TASOR2: variants seen among roughly 807,000 people sequenced by gnomAD.
TASOR2 encodes the protein transcription activation suppressor family member 2.
In TASOR2, 84 loss-of-function variants were observed where a neutral mutation model predicts 199.5. The ratio of observed to expected loss-of-function variants is 0.42; its 90% CI spans 0.35 to 0.50. TASOR2 has a LOEUF of 0.50. TASOR2 is among the 20% of genes least tolerant of loss of function. The probability of loss-of-function intolerance (pLI) is 0.02; values close to 1 mark genes in which losing one functional copy is unlikely to be tolerated. For missense variants in TASOR2, 2,796 were observed against 2,835.9 expected (o/e 0.99, Z 0.32); for synonymous variants, 1,103 against 1,046.6 (o/e 1.05, Z -1.04).
At position 5,727,117 on chromosome 10, in the gene TASOR2, T is replaced by TCAA. The variant is rs773332107; in HGVS notation, c.484_486dup (p.Thr162dup). 6.2e-6 allele frequency: 10 copies of TCAA among 1,614,010 alleles called. 1 individual carries two copies. The East Asian group carries it at 1.3e-4, about 22-fold the overall frequency. ...GTTACATTTATTTCGTTCACCCCTG[T>TCAA]CAACAGGTGAGGATACAATGGTTTC... On this transcript the variant is annotated inframe_insertion, in exon 10 of 21. Coordinates refer to ENST00000328090, the Ensembl canonical transcript of TASOR2.
chr10:5,744,032 G>A (rs1283040634), intron 14 of TASOR2: 1 of 152,156 alleles, frequency 6.6e-6, no homozygotes, highest in Non-Finnish European at 1.5e-5. Flanking sequence ...CACTCTTTCT[G>A]AATTGTCAGA....
rs1309545775 is a variant in TASOR2 at position 5,754,087 on chromosome 10, C to A, written c.6607-2526C>A. 1.3e-5 allele frequency among the ~76,000 whole-genome samples: 2 copies of A among 151,994 alleles called. No individual in the cohort carries two copies. The highest frequency in any genetic ancestry group is 2.9e-5 in the Non-Finnish European group (2 of 67,976). The stretch of plus-strand genomic sequence containing the variant: ...TGGGAGGCCGAGGCAGGTGGATCAC[C>A]TGAAGTCAGGAGTTGGAGACCAGCC... On this transcript the variant is annotated intron_variant, in intron 15 of 20. Transcript: ENST00000328090. This position sits in a 1 kb window ranked among gnomAD's most constrained non-coding sequence, Gnocchi z 4.3.
Position 5,742,246 on chromosome 10 carries a change from T to C in TASOR2, c.2477T>C (p.Ile826Thr), listed in dbSNP as rs779876797. 18 of 1,614,184 alleles carry C rather than the reference T, an allele frequency of 1.1e-5. No individual in the cohort carries two copies. The highest frequency in any genetic ancestry group is 1.7e-5 in the Admixed American group (1 of 60,024). ...AGCAACCCAGCAAAATATGTGTCTA[T>C]AAATAGCACGTTAGAATCTTGTGAG... The change falls in exon 14 of 21, where the codon ATA becomes ACA. Residue 826 changes from isoleucine (I) to threonine (T), a missense_variant. Physicochemically the swap from Ile to Thr is moderately conservative, Grantham distance 89. Coordinates refer to ENST00000328090, the Ensembl canonical transcript of TASOR2. The surrounding 1 kb of genome is among the most constrained non-coding windows in gnomAD (Gnocchi z 4.2).
Position 5,748,495 on chromosome 10 carries a change from A to T in TASOR2, c.5074A>T (p.Ser1692Cys). The change falls in exon 15 of 21, where the codon AGT becomes TGT. Residue 1692 changes from serine (S) to cysteine (C), a missense_variant. Ser to Cys is a moderately radical substitution (Grantham distance 112). Coordinates refer to ENST00000328090, the Ensembl canonical transcript of TASOR2. The surrounding 1 kb of genome is among the most constrained non-coding windows in gnomAD (Gnocchi z 5.1). ...GGAAATACCAGCAGGCAGAATGGCCAGTTTGCTTAAGAATGGTGAGCCTGA... is the reference window on the plus strand; with the variant it reads ...GGAAATACCAGCAGGCAGAATGGCCTGTTTGCTTAAGAATGGTGAGCCTGA... 1 of 1,614,000 alleles carries T rather than the reference A, an allele frequency of 6.2e-7. No homozygotes were observed. The highest frequency in any genetic ancestry group is 8.5e-7 in the Non-Finnish European group (1 of 1,180,032).
At position 5,751,682 on chromosome 10, in the gene TASOR2, G is replaced by A. The variant is rs533077078; in HGVS notation, c.6606+1655G>A. Among the ~76,000 whole-genome samples, 3 of 152,288 alleles carry A rather than the reference G, an allele frequency of 2.0e-5. No homozygotes were observed. In the South Asian group the frequency reaches 6.2e-4, roughly 32 times the overall value. ...AAGTCAAGCATTTCTCCAAGGAGCT[G>A]TGACTCTTTAGTGAAGAATGGCATT... On this transcript the variant is annotated intron_variant, in intron 15 of 20. Transcript: ENST00000328090. This position sits in a 1 kb window ranked among gnomAD's most constrained non-coding sequence, Gnocchi z 5.3.
chr10:5,706,603 G>T lies in TASOR2; in HGVS notation c.-287-6220G>T, dbSNP rs1838644857. On this transcript the variant is annotated intron_variant, in intron 1 of 20. Transcript: ENST00000328090. This position sits in a 1 kb window ranked among gnomAD's most constrained non-coding sequence, Gnocchi z 4.8. The stretch of plus-strand genomic sequence containing the variant: ...GAATTTCAAGCTGAAATAATGATTG[G>T]TAACTGAAAATTAAGCTATTTTAAA... Among the ~76,000 whole-genome samples the T allele has an allele frequency of 6.6e-6, 1 of 152,158 alleles. No homozygotes were observed. Among genetic ancestry groups the T allele is most frequent in the Non-Finnish European group, 1.5e-5 (1 of 68,032 alleles).
intron 18 of TASOR2, among the ~76,000 whole-genome samples, chr10:5,760,496 G>A (rs1421765768): frequency 6.6e-6 from 1 of 152,118 alleles, no homozygotes; most frequent in Non-Finnish European, 1.5e-5. Context: ...ACCAACCTCA[G>A]TTCCATCTCT....
In TASOR2 at chr10:5,685,017, GGGGGTCCCCGCGGGA is replaced by G; in HGVS notation, c.-444_-430del. On this transcript the variant is annotated 5_prime_UTR_variant, in exon 1 of 21. Transcript: ENST00000328090. The surrounding 1 kb of genome is among the most constrained non-coding windows in gnomAD (Gnocchi z 5.4). ...CTGGGGCGGACGGCGTGCCCCTGAG[GGGGGTCCCCGCGGGA>G]GCGCGGAGCCGGCGACTGGTGCTTC... The G allele has an allele frequency of 2.5e-6, 1 of 397,794 alleles. No homozygotes were observed. Among genetic ancestry groups the G allele is most frequent in the East Asian group, 3.6e-5 (1 of 28,034 alleles). 24.6% of individuals were successfully genotyped at this position (397,794 alleles called of 1,614,324 possible). A position where few individuals can be genotyped will look rare whatever the true frequency, so the allele number is the denominator to read the frequency against.
Position 5,690,363 on chromosome 10 carries a change from C to G in TASOR2, c.-288+5188C>G, listed in dbSNP as rs1564241248. 6.6e-6 allele frequency among the ~76,000 whole-genome samples: 1 copy of G among 152,186 alleles called. No homozygotes were observed. Among genetic ancestry groups the G allele is most frequent in the Non-Finnish European group, 1.5e-5 (1 of 68,030 alleles). On this transcript the variant is annotated intron_variant, in intron 1 of 20. Coordinates refer to ENST00000328090, the Ensembl canonical transcript of TASOR2. The surrounding 1 kb of genome is among the most constrained non-coding windows in gnomAD (Gnocchi z 4.8). ...ATTTTGTATAAAGATTCACTACCCT[C>G]CTTGGCATGGTGAAATAGACCCTGT...
exon 1 of TASOR2, chr10:5,684,848 GC>G (rs1835624467): frequency 5.1e-6 from 2 of 393,508 alleles, no homozygotes; most frequent in Non-Finnish European, 9.0e-6. Flanking sequence ...GCTTCCGGTT[GC>G]TAGCGCCGGT....
At position 5,730,930 on chromosome 10, in the gene TASOR2, G is replaced by T; in HGVS notation, c.931G>T (p.Val311Phe). Reference sequence around the variant, plus strand: ...TATGACTCCAGATCCTGAATTTCTTGTCTCAGAGGCAGAAGTGAGAAAAGA... The same window carrying T: ...TATGACTCCAGATCCTGAATTTCTTTTCTCAGAGGCAGAAGTGAGAAAAGA... The change falls in exon 11 of 21, where the codon GTC becomes TTC. Residue 311 changes from valine to phenylalanine, a missense_variant. Val to Phe is a conservative substitution (Grantham distance 50, BLOSUM62 -1). Transcript: ENST00000328090. This position sits in a 1 kb window ranked among gnomAD's most constrained non-coding sequence, Gnocchi z 4.1. 1 of 1,614,166 alleles carries T rather than the reference G, an allele frequency of 6.2e-7. No individual in the cohort carries two copies. Among genetic ancestry groups the T allele is most frequent in the Non-Finnish European group, 8.5e-7 (1 of 1,180,030 alleles).
chr10:5,691,840 C>T (rs1836459054), intron 1 of TASOR2, among the ~76,000 whole-genome samples: 1 of 152,126 alleles, frequency 6.6e-6, no homozygotes, highest in Non-Finnish European at 1.5e-5. Flanking sequence ...ATCCCTACCC[C>T]AGGCATTGGT....
rs1837424254 is a variant in TASOR2 at position 5,698,518 on chromosome 10, T to C, written c.-288+13343T>C. ...CAAAACAATATTAGCAGAAAATAAATCACAAGTGGTCAAGCTACTGCCTGT... is the reference window on the plus strand; with the variant it reads ...CAAAACAATATTAGCAGAAAATAAACCACAAGTGGTCAAGCTACTGCCTGT... On this transcript the variant is annotated intron_variant, in intron 1 of 20. Coordinates refer to ENST00000328090, the Ensembl canonical transcript of TASOR2. This position sits in a 1 kb window ranked among gnomAD's most constrained non-coding sequence, Gnocchi z 4.4. Among the ~76,000 whole-genome samples, 1 of 152,174 alleles carries C rather than the reference T, an allele frequency of 6.6e-6. No individual in the cohort carries two copies. The highest frequency in any genetic ancestry group is 2.1e-4 in the South Asian group (1 of 4,828).
chr10:5,747,637 G>A, exon 15 of TASOR2: 5 of 1,614,142 alleles, frequency 3.1e-6, no homozygotes, highest in Non-Finnish European at 4.2e-6. Flanking sequence ...GTCTAGTCCT[G>A]AACCTCCAGT....
chr10:5,686,006 A>C (rs1835769690), intron 1 of TASOR2, among the ~76,000 whole-genome samples: 1 of 152,194 alleles, frequency 6.6e-6, no homozygotes, highest in Admixed American at 6.5e-5. Context: ...ACTAGGGGTG[A>C]GCCTGGCGGT....
intron 1 of TASOR2, chr10:5,712,054 C>T (rs549572196): frequency 6.1e-6 from 1 of 164,446 alleles, no homozygotes; most frequent in South Asian, 2.0e-4. Context: ...AGAAATTGCT[C>T]TAAAAGTCTA....
At chr10:5,756,062 T>C (rs1040842467) in intron 15 of TASOR2, among the ~76,000 whole-genome samples, 1 of 152,082 alleles carries the variant, frequency 6.6e-6, no homozygotes, top group Admixed American at 6.5e-5. Flanking sequence ...ATTACACAAA[T>C]TTACCCTCCC....
At chr10:5,736,026 C>T (rs1009019232) in intron 12 of TASOR2, among the ~76,000 whole-genome samples, 7 of 152,194 alleles carry the variant, frequency 4.6e-5, no homozygotes, top group Non-Finnish European at 7.3e-5. Flanking sequence ...CAACCTTGAC[C>T]TCCTGGGCTC....
In TASOR2 at chr10:5,752,973, T is replaced by TA. The variant is rs1205070960; in HGVS notation, c.6606+2947dup. On this transcript the variant is annotated intron_variant, in intron 15 of 20. Transcript: ENST00000328090. This position sits in a 1 kb window ranked among gnomAD's most constrained non-coding sequence, Gnocchi z 4.4. ...TGTTAGGTTTTTTCCTCCTAACCAC[T>TA]AGACCGCCAGAGATGAAGTTTTCTA... Among the ~76,000 whole-genome samples the TA allele has an allele frequency of 3.3e-5, 5 of 152,206 alleles. No individual in the cohort carries two copies. The highest frequency in any genetic ancestry group is 1.2e-4 in the African/African-American group (5 of 41,456).
Sources: allele counts gnomAD v4.1 joint callset (sites outside exome capture counted in the v4.1 genomes callset), GRCh38; gene constraint gnomAD v4.1.1; non-coding constraint Gnocchi (gnomAD v3.1); transcripts MANE v1.5; gene names NCBI Gene and HGNC (gene_info 2026-07-23, HGNC 2026-07-21).